VOPP1: variants seen among roughly 807,000 people sequenced by gnomAD.
The protein encoded by VOPP1 is WW domain binding protein VOPP1.
In VOPP1, 8 loss-of-function variants were observed where a neutral mutation model predicts 23.5. The observed-to-expected ratio is 0.34, with a 90% CI of 0.20 to 0.61. The LOEUF (loss-of-function observed/expected upper bound fraction) is 0.61, where lower values mean the gene tolerates loss of function less well. Ranked by LOEUF, VOPP1 falls within the 20% of genes least tolerant of loss-of-function variation. VOPP1 has a pLI of 0.78. For synonymous variants in VOPP1, 83 were observed against 97.3 expected (o/e 0.85, Z 0.86); for missense variants, 174 against 238.1 (o/e 0.73, Z 1.77).
At chr7:55,502,205 G>A (rs568872993) in intron 2 of VOPP1, among the ~76,000 whole-genome samples, 57 of 152,270 alleles carry the variant, frequency 3.7e-4, no homozygotes, top group Middle Eastern at 3.4e-3. Context: ...TAGAGCCCTC[G>A]TCCAGAATTA....
chr7:55,448,339 T>C (rs948327201), intron 4 of VOPP1, among the ~76,000 whole-genome samples: 1 of 152,138 alleles, frequency 6.6e-6, no homozygotes, highest in African/African-American at 2.4e-5. Context: ...GGTAAAATTA[T>C]AAAAGCAAAG....
At chr7:55,530,470 TA>T (rs1481004650) in intron 1 of VOPP1, among the ~76,000 whole-genome samples, 2 of 152,130 alleles carry the variant, frequency 1.3e-5, no homozygotes, top group East Asian at 3.9e-4. Context: ...CCCTGAGAGT[TA>T]GGTGGTTTAC....
chr7:55,489,069 A>G (rs1246264963), intron 4 of VOPP1, among the ~76,000 whole-genome samples: 4 of 152,292 alleles, frequency 2.6e-5, no homozygotes, highest in African/African-American at 9.6e-5. Flanking sequence ...AGGTGTCCAG[A>G]CCAACAGCAG....
chr7:55,459,834 A>T, intron 4 of VOPP1, among the ~76,000 whole-genome samples: 1 of 149,002 alleles, frequency 6.7e-6, no homozygotes, highest in Middle Eastern at 3.5e-3. Context: ...TTGTCTCTTG[A>T]TCCTTTGTAT....
intron 3 of VOPP1, among the ~76,000 whole-genome samples, chr7:55,497,002 C>G (rs1265596648): frequency 6.6e-6 from 1 of 152,222 alleles, no homozygotes; most frequent in Non-Finnish European, 1.5e-5. Flanking sequence ...CAGAGTCTAA[C>G]AGATGCTCGG....
rs779097426 is a variant in VOPP1, at chr7:55,497,567, G to C, written c.191+46C>G. On this transcript the variant is annotated intron_variant, in intron 3 of 4. Transcript: ENST00000285279. ...TGACAACACTGATGGGGGGGGGGGGGGGGCAGAGCTCTCGGGGTAGGGAAC... is the reference window on the plus strand; with the variant it reads ...TGACAACACTGATGGGGGGGGGGGGCGGGCAGAGCTCTCGGGGTAGGGAAC... 1,974 of 1,342,920 alleles carry C rather than the reference G, an allele frequency of 1.5e-3. 80 individuals carry two copies. In the South Asian group the frequency reaches 0.024, roughly 16 times the overall value. 83.2% of individuals were successfully genotyped at this position (1,342,920 alleles called of 1,614,324 possible). A position where few individuals can be genotyped will look rare whatever the true frequency, so the allele number is the denominator to read the frequency against.
rs140507061 is a variant in VOPP1 at position 55,475,094 on chromosome 7, G to C, written c.329-2049C>G. ...TGGGTGAAGACTGTAGGAGGGGACG[G>C]GTGGCAGCTGGAAGGCACGCAGGGC... On this transcript the variant is annotated intron_variant, in intron 4 of 4. Coordinates refer to ENST00000285279, the MANE Select transcript of VOPP1 (RefSeq NM_030796.5). Among the ~76,000 whole-genome samples the C allele has an allele frequency of 1.4e-3, 211 of 152,348 alleles. 1 individual carries two copies. The highest frequency in any genetic ancestry group is 4.9e-3 in the African/African-American group (204 of 41,576).
chr7:55,536,606 A>G (rs1796805384), intron 1 of VOPP1, among the ~76,000 whole-genome samples: 1 of 152,180 alleles, frequency 6.6e-6, no homozygotes, highest in African/African-American at 2.4e-5. Context: ...ATGGGGACAA[A>G]GAGAACTTCA....
At chr7:55,436,635 T>TGG (rs1562875063) in intron 4 of VOPP1, among the ~76,000 whole-genome samples, 3 of 139,952 alleles carry the variant, frequency 2.1e-5, no homozygotes, top group African/African-American at 7.8e-5. Flanking sequence ...TGTGTGCGTG[T>TGG]GTGTGCGTGC....
At chr7:55,491,469 G>A (rs1465671685) in intron 4 of VOPP1, among the ~76,000 whole-genome samples, 2 of 152,158 alleles carry the variant, frequency 1.3e-5, no homozygotes, top group Non-Finnish European at 2.9e-5. Flanking sequence ...GCATGGCGGT[G>A]CAGACATCAG....
chr7:55,462,432 A>G (rs1214142044), intron 4 of VOPP1, among the ~76,000 whole-genome samples: 1 of 152,134 alleles, frequency 6.6e-6, no homozygotes, highest in Admixed American at 6.5e-5. Flanking sequence ...CTATTATTTC[A>G]TTAAATAGGT....
At chr7:55,499,648 G>T (rs1448982155) in intron 2 of VOPP1, among the ~76,000 whole-genome samples, 1 of 152,252 alleles carries the variant, frequency 6.6e-6, no homozygotes, top group Non-Finnish European at 1.5e-5. Flanking sequence ...AGGCAGCAGG[G>T]TGCTCAGGGA....
intron 1 of VOPP1, among the ~76,000 whole-genome samples, chr7:55,528,546 G>A (rs754111807): frequency 2.6e-5 from 4 of 152,106 alleles, no homozygotes; most frequent in African/African-American, 7.2e-5. Flanking sequence ...TTAGCTGGGC[G>A]TGGTGGCGCA....
chr7:55,490,380 C>T (rs1793480679), intron 4 of VOPP1, among the ~76,000 whole-genome samples: 1 of 152,022 alleles, frequency 6.6e-6, no homozygotes. Context: ...GGGATGGGAC[C>T]AGAAAGGAGT....
intron 4 of VOPP1, among the ~76,000 whole-genome samples, chr7:55,486,462 G>C (rs13241056): frequency 0.33 from 49,451 of 152,126 alleles, 8,557 homozygotes; most frequent in Non-Finnish European, 0.4. Context: ...GGGGCAGCAC[G>C]GGGGCTGGAA....
At chr7:55,485,488 A>T (rs1793066246) in intron 4 of VOPP1, among the ~76,000 whole-genome samples, 1 of 152,248 alleles carries the variant, frequency 6.6e-6, no homozygotes, top group Non-Finnish European at 1.5e-5. Flanking sequence ...GGCAATCTGA[A>T]TGTGTATGAT....
chr7:55,532,428 T>C (rs1341044988), intron 1 of VOPP1, among the ~76,000 whole-genome samples: 1 of 145,642 alleles, frequency 6.9e-6, no homozygotes, highest in Admixed American at 6.7e-5. Flanking sequence ...AAGAGCCTCC[T>C]GCTAAGTCGT....
At chr7:55,528,106 G>C (rs1796294564) in intron 1 of VOPP1, among the ~76,000 whole-genome samples, 1 of 152,132 alleles carries the variant, frequency 6.6e-6, no homozygotes, top group Non-Finnish European at 1.5e-5. Flanking sequence ...TTTTCAAAAT[G>C]GGTTTTGCTA....
chr7:55,564,963 C>T (rs1457046867), intron 1 of VOPP1, among the ~76,000 whole-genome samples: 1 of 152,166 alleles, frequency 6.6e-6, no homozygotes, highest in Non-Finnish European at 1.5e-5. Context: ...ATGCCCTATG[C>T]TTGAAGCAAG....
Sources: allele counts gnomAD v4.1 joint callset (sites outside exome capture counted in the v4.1 genomes callset), GRCh38; gene constraint gnomAD v4.1.1; transcripts MANE v1.5; gene names NCBI Gene and HGNC (gene_info 2026-07-23, HGNC 2026-07-21).